MVB12B: variants seen among roughly 807,000 people sequenced by gnomAD.
MVB12B encodes multivesicular body subunit 12B, also known as ESCRT-I complex subunit MVB12B.
A neutral mutation model predicts 41.6 loss-of-function variants in MVB12B; 16 were observed. That is an observed-to-expected ratio of 0.38 (90% CI 0.26 to 0.58). MVB12B has a LOEUF of 0.58. Among genes scored for constraint, MVB12B ranks in the 20% least tolerant of loss-of-function variants. The pLI is 0.62. For synonymous variants in MVB12B, 133 were observed against 139.7 expected, an observed-to-expected ratio of 0.95 and a Z score of 0.34; for missense variants, 274 against 380.2, an observed-to-expected ratio of 0.72 and a Z score of 2.32.
intron 7 of MVB12B, among the ~76,000 whole-genome samples, chr9:126,428,762 G>T (rs1832251092): frequency 6.6e-6 from 1 of 152,190 alleles, no homozygotes; most frequent in African/African-American, 2.4e-5. Flanking sequence ...TCGGGTGAGT[G>T]TGTGGGCTGA....
chr9:126,446,938 C>CTTTTTTTTTTTTTTTTTTTTTTTTTT (rs33991689), intron 7 of MVB12B, among the ~76,000 whole-genome samples: 5 of 104,324 alleles, frequency 4.8e-5, no homozygotes, highest in African/African-American at 7.7e-5. Flanking sequence ...TTTTAACTTT[C>CTTTTTTTTTTTTTTTTTTTTTTTTTT]TTTTTTTTTT....
chr9:126,348,827 T>C lies in MVB12B; in HGVS notation c.204+8197T>C, dbSNP rs556948498. On this transcript the variant is annotated intron_variant, in intron 2 of 9. Coordinates refer to ENST00000361171, the MANE Select transcript of MVB12B (RefSeq NM_033446.3). ...GATCCTGTTTACCCCCCACCAATGG[T>C]AAAGTCTTGCAGACTAGTACAATGT... Among the ~76,000 whole-genome samples, 133 of 152,326 alleles carry C rather than the reference T, an allele frequency of 8.7e-4. 1 individual carries two copies. The highest frequency in any genetic ancestry group is 3.1e-3 in the African/African-American group (127 of 41,566).
intron 6 of MVB12B, among the ~76,000 whole-genome samples, chr9:126,407,628 C>T (rs1490882617): frequency 6.6e-6 from 1 of 152,126 alleles, no homozygotes; most frequent in African/African-American, 2.4e-5. Context: ...CCCACCCCCA[C>T]CGACGCCCTC....
rs1222414754 is a variant in MVB12B, at chr9:126,503,594, C to T, written c.*331C>T. 1 of 369,512 alleles carries T rather than the reference C, an allele frequency of 2.7e-6. No individual in the cohort carries two copies. Among genetic ancestry groups the T allele is most frequent in the Non-Finnish European group, 4.9e-6 (1 of 203,354 alleles). The allele number at this position is 369,512 out of a possible 1,614,324, so 22.9% of individuals were successfully genotyped here. ...CACCCTGAGGGCCCCGGGCAGTTGC[C>T]CTGGCCGCCCAGTGACGCCCACCGG... On this transcript the variant is annotated 3_prime_UTR_variant, in exon 10 of 10. Coordinates refer to ENST00000361171, the MANE Select transcript of MVB12B (RefSeq NM_033446.3).
In MVB12B at chr9:126,436,941, A is replaced by AT. The variant is rs1186610286; in HGVS notation, c.757+14999dup. On this transcript the variant is annotated intron_variant, in intron 7 of 9. Coordinates refer to ENST00000361171, the MANE Select transcript of MVB12B (RefSeq NM_033446.3). This position sits in a 1 kb window ranked among gnomAD's most constrained non-coding sequence, Gnocchi z 4.1. ...GGACCAATTAAAACTTTGGAAGCTA[A>AT]TTTTTTGCTGAGCAGAGCAGACCTC... Among the ~76,000 whole-genome samples the AT allele has an allele frequency of 6.6e-6, 1 of 152,184 alleles. No individual in the cohort carries two copies. Among genetic ancestry groups the AT allele is most frequent in the Admixed American group, 6.5e-5 (1 of 15,284 alleles).
chr9:126,381,232 G>A, intron 3 of MVB12B, 61 bp downstream of exon 3: 1 of 1,187,206 alleles, frequency 8.4e-7, no homozygotes. Context: ...TTCCTGTTTG[G>A]AATTTCCTCA....
chr9:126,343,579 A>G (rs1163196141), intron 2 of MVB12B, among the ~76,000 whole-genome samples: 1 of 152,218 alleles, frequency 6.6e-6, no homozygotes, highest in Non-Finnish European at 1.5e-5. Flanking sequence ...TGTTTCCAGC[A>G]ATACACATTT....
intron 7 of MVB12B, among the ~76,000 whole-genome samples, chr9:126,443,465 G>T (rs1832692191): frequency 6.6e-6 from 1 of 152,098 alleles, no homozygotes; most frequent in South Asian, 2.1e-4. Flanking sequence ...ACAGTTCATT[G>T]ATATTTCTTC....
Position 126,443,168 on chromosome 9 carries a change from A to G in MVB12B, c.757+21220A>G, listed in dbSNP as rs528679855. 1.9e-4 allele frequency among the ~76,000 whole-genome samples: 29 copies of G among 152,308 alleles called. 1 individual carries two copies. The South Asian group carries it at 6.0e-3, about 32-fold the overall frequency. ...GGGTGTTCAGCACAGTGGAAGTAGCACTACTTTCTGGGGTTTAAGCCCCAT... is the reference window on the plus strand; with the variant it reads ...GGGTGTTCAGCACAGTGGAAGTAGCGCTACTTTCTGGGGTTTAAGCCCCAT... On this transcript the variant is annotated intron_variant, in intron 7 of 9. Coordinates refer to ENST00000361171, the MANE Select transcript of MVB12B (RefSeq NM_033446.3).
chr9:126,424,697 T>C (rs962868186), intron 7 of MVB12B, among the ~76,000 whole-genome samples: 1 of 152,232 alleles, frequency 6.6e-6, no homozygotes, highest in African/African-American at 2.4e-5. Flanking sequence ...TATCTCTCTC[T>C]TGCCCACGGA....
rs1830874867 is a variant in MVB12B at position 126,389,060 on chromosome 9, G to T, written c.409+2402G>T. Among the ~76,000 whole-genome samples, 1 of 152,202 alleles carries T rather than the reference G, an allele frequency of 6.6e-6. No homozygotes were observed. Among genetic ancestry groups the T allele is most frequent in the Admixed American group, 6.5e-5 (1 of 15,286 alleles). On this transcript the variant is annotated intron_variant, in intron 4 of 9. Coordinates refer to ENST00000361171, the MANE Select transcript of MVB12B (RefSeq NM_033446.3). The surrounding 1 kb of genome is among the most constrained non-coding windows in gnomAD (Gnocchi z 4.4). ...AGGCTCTGTCCTGTCTGGGCTTGGG[G>T]CCCAGCTGCTGTGGGGCCCAGGGGT...
chr9:126,341,699 G>C (rs973295521), intron 2 of MVB12B, among the ~76,000 whole-genome samples: 2 of 152,212 alleles, frequency 1.3e-5, no homozygotes, highest in Admixed American at 6.5e-5. Context: ...TGCATCGTAT[G>C]ATGTTTAGCA....
rs918860195 is a variant in MVB12B at position 126,395,996 on chromosome 9, T to C, written c.662+299T>C. 5 of 1,189,152 alleles carry C rather than the reference T, an allele frequency of 4.2e-6. No individual in the cohort carries two copies. The African/African-American group carries it at 7.8e-5, about 19-fold the overall frequency. 73.7% of individuals were successfully genotyped at this position (1,189,152 alleles called of 1,614,324 possible). On this transcript the variant is annotated intron_variant, in intron 6 of 9. Transcript: ENST00000361171. The surrounding 1 kb of genome is among the most constrained non-coding windows in gnomAD (Gnocchi z 4.9). ...GAGCTGCTAGCTACACACAGACACG[T>C]GCTGTATAGCCATGGGGTTGGGATC...
chr9:126,361,679 A>G (rs1830033194), intron 2 of MVB12B, among the ~76,000 whole-genome samples: 1 of 151,990 alleles, frequency 6.6e-6, no homozygotes, highest in Admixed American at 6.6e-5. Context: ...TTGTCTTTGT[A>G]TTTGAAGGAT....
chr9:126,486,237 TAG>T lies in MVB12B; in HGVS notation c.873+2206_873+2207del, dbSNP rs1471414276. 4.6e-5 allele frequency among the ~76,000 whole-genome samples: 7 copies of T among 152,284 alleles called. 1 individual carries two copies. The East Asian group carries it at 1.4e-3, about 29-fold the overall frequency. ...ATGGCTGGCTGGGACATTAGAAACA[TAG>T]GTGTGCATAAAATTTCACACCTGCC... On this transcript the variant is annotated intron_variant, in intron 9 of 9. Transcript: ENST00000361171. The surrounding 1 kb of genome is among the most constrained non-coding windows in gnomAD (Gnocchi z 4.7).
chr9:126,397,649 C>T (rs182863376), intron 6 of MVB12B: 27 of 985,084 alleles, frequency 2.7e-5, no homozygotes, highest in Middle Eastern at 5.2e-4. Flanking sequence ...TTCTCCTGTG[C>T]GGTAATTTAC....
chr9:126,422,951 C>T (rs1832068244), intron 7 of MVB12B, among the ~76,000 whole-genome samples: 1 of 152,124 alleles, frequency 6.6e-6, no homozygotes, highest in African/African-American at 2.4e-5. Context: ...TCTTAAGCCC[C>T]CATCCCTGGC....
At chr9:126,334,166 C>T (rs1226012951) in intron 1 of MVB12B, among the ~76,000 whole-genome samples, 2 of 152,188 alleles carry the variant, frequency 1.3e-5, no homozygotes, top group Non-Finnish European at 2.9e-5. Flanking sequence ...CAAGTGGCTC[C>T]GTAGTCATCT....
intron 7 of MVB12B, among the ~76,000 whole-genome samples, chr9:126,432,717 C>G (rs11793565): frequency 0.26 from 39,692 of 152,018 alleles, 5,349 homozygotes; most frequent in South Asian, 0.28. Flanking sequence ...ACCTGTGGTA[C>G]GTGGCAGGGC....
Sources: gnomAD v4.1 joint callset for allele counts (sites outside exome capture counted in the v4.1 genomes callset) on GRCh38, gnomAD v4.1.1 for gene constraint, Gnocchi (gnomAD v3.1) non-coding constraint, MANE v1.5 for transcripts, NCBI Gene and HGNC (gene_info 2026-07-23, HGNC 2026-07-21) for gene names.